Variants in CNOT4 observed in about 807,000 individuals in gnomAD.
CNOT4 encodes CCR4-associated factor 4.
In CNOT4, 8 loss-of-function variants were observed where a neutral mutation model predicts 73.8. The ratio of observed to expected loss-of-function variants is 0.11; its 90% CI spans 0.06 to 0.20. CNOT4 has a LOEUF of 0.20. Ranked by LOEUF, CNOT4 falls within the 10% of genes least tolerant of loss-of-function variation. CNOT4 has a pLI of 1.00. For missense variants in CNOT4, 564 were observed against 883.4 expected, an observed-to-expected ratio of 0.64 and a Z score of 4.58; for synonymous variants, 293 against 321.1, an observed-to-expected ratio of 0.91 and a Z score of 0.94.
At chr7:135,439,580 C>T (rs1362721329) in intron 1 of CNOT4, among the ~76,000 whole-genome samples, 1 of 152,132 alleles carries the variant, frequency 6.6e-6, no homozygotes, top group African/African-American at 2.4e-5. Context: ...GCCAGGAGTT[C>T]AAGACCAGCA....
chr7:135,364,186 T>A lies in CNOT4; in HGVS notation c.1628-120A>T. On this transcript the variant is annotated intron_variant, in intron 10 of 11. Coordinates refer to ENST00000541284, the MANE Select transcript of CNOT4 (RefSeq NM_001190850.2). This position sits in a 1 kb window ranked among gnomAD's most constrained non-coding sequence, Gnocchi z 4.3. ...AATTATTCTTTCTTTATTGAGCATT[T>A]AAAATGGGTTGTCCTAGCAAGATAA... 1 of 795,204 alleles carries A rather than the reference T, an allele frequency of 1.3e-6. No homozygotes were observed. The highest frequency in any genetic ancestry group is 2.0e-6 in the Non-Finnish European group (1 of 503,994). 49.3% of individuals were successfully genotyped at this position (795,204 alleles called of 1,614,324 possible). A position where few individuals can be genotyped will look rare whatever the true frequency, so the allele number is the denominator to read the frequency against.
chr7:135,442,470 A>C (rs1036647193), intron 1 of CNOT4, among the ~76,000 whole-genome samples: 1 of 152,074 alleles, frequency 6.6e-6, no homozygotes, highest in African/African-American at 2.4e-5. Context: ...GTGTTGGTGC[A>C]TGCCTGTAAT....
chr7:135,480,250 A>G (rs1449965760), intron 1 of CNOT4, among the ~76,000 whole-genome samples: 1 of 152,194 alleles, frequency 6.6e-6, no homozygotes, highest in Non-Finnish European at 1.5e-5. Context: ...CTGGTCCACT[A>G]AGTTTTCAGT....
At chr7:135,407,707 T>C (rs960197936) in intron 7 of CNOT4, among the ~76,000 whole-genome samples, 36 of 147,612 alleles carry the variant, frequency 2.4e-4, no homozygotes, top group Non-Finnish European at 5.0e-4. Flanking sequence ...TTGTTTTTTG[T>C]AGAGGCAGGG....
chr7:135,411,561 T>C (rs115837529), intron 6 of CNOT4, among the ~76,000 whole-genome samples: 1 of 152,000 alleles, frequency 6.6e-6, no homozygotes, highest in Non-Finnish European at 1.5e-5. Context: ...TGGGAAAAAT[T>C]AGGCAAAGAT....
At chr7:135,493,614 G>A (rs548643042) in intron 1 of CNOT4, among the ~76,000 whole-genome samples, 31 of 152,228 alleles carry the variant, frequency 2.0e-4, no homozygotes, top group Admixed American at 3.3e-4. Context: ...GGGGACATGA[G>A]TATCACCTAG....
chr7:135,395,956 A>C (rs1180807927), intron 8 of CNOT4, 73 bp from the exon 9 acceptor site: 10 of 1,004,886 alleles, frequency 1.0e-5, no homozygotes, highest in Non-Finnish European at 1.5e-5. Flanking sequence ...AAAAGTTTGC[A>C]ACTAAATGTA....
intron 1 of CNOT4, chr7:135,444,610 C>A (rs920637020): frequency 7.6e-7 from 1 of 1,317,278 alleles, no homozygotes; most frequent in Admixed American, 1.7e-5. Context: ...CACTTGTCAC[C>A]GAGCCACCAT....
At chr7:135,379,488 T>C (rs1358660370) in intron 10 of CNOT4, among the ~76,000 whole-genome samples, 2 of 152,112 alleles carry the variant, frequency 1.3e-5, no homozygotes, top group East Asian at 3.8e-4. Context: ...GTTAACAGTT[T>C]AGAAGGAAAA....
At chr7:135,475,521 C>T (rs78011715) in intron 1 of CNOT4, among the ~76,000 whole-genome samples, 3,413 of 152,190 alleles carry the variant, frequency 0.022, 127 homozygotes, top group African/African-American at 0.07. Flanking sequence ...CACAAAGCTA[C>T]AATTTACAAA....
At chr7:135,469,556 CT>C (rs1013840459) in intron 1 of CNOT4, among the ~76,000 whole-genome samples, 1 of 152,036 alleles carries the variant, frequency 6.6e-6, no homozygotes, top group Non-Finnish European at 1.5e-5. Context: ...ACTTCCATGG[CT>C]TTTTTTATAC....
intron 1 of CNOT4, among the ~76,000 whole-genome samples, chr7:135,465,974 G>C (rs1801196003): frequency 6.6e-6 from 1 of 151,294 alleles, no homozygotes; most frequent in African/African-American, 2.4e-5. Flanking sequence ...GCTTGAACCT[G>C]GGAGGCAGAG....
rs138758031 is a variant in CNOT4 at position 135,454,976 on chromosome 7, T to C, written c.-92-16553A>G. Among the ~76,000 whole-genome samples, 731 of 152,152 alleles carry C rather than the reference T, an allele frequency of 4.8e-3. 5 individuals are homozygous for C. The highest frequency in any genetic ancestry group is 0.017 in the African/African-American group (705 of 41,504). ...GTCAATTACAATTGTGGAAAACAAA[T>C]TGGTCAGCCACAGTGGCTCACACTA... On this transcript the variant is annotated intron_variant, in intron 1 of 11. Transcript: ENST00000541284.
At chr7:135,371,769 G>A (rs1351205099) in intron 10 of CNOT4, among the ~76,000 whole-genome samples, 1 of 152,084 alleles carries the variant, frequency 6.6e-6, no homozygotes, top group Non-Finnish European at 1.5e-5. Context: ...AGAGGAAAAA[G>A]TAAACAAATT....
intron 1 of CNOT4, among the ~76,000 whole-genome samples, chr7:135,445,245 A>G (rs1799750062): frequency 6.6e-6 from 1 of 152,218 alleles, no homozygotes; most frequent in African/African-American, 2.4e-5. Flanking sequence ...AATCTCTTAA[A>G]GAGAATCCAG....
At chr7:135,435,358 C>T (rs1157221969) in intron 2 of CNOT4, among the ~76,000 whole-genome samples, 1 of 152,134 alleles carries the variant, frequency 6.6e-6, no homozygotes, top group Non-Finnish European at 1.5e-5. Context: ...TGCTGCTTTT[C>T]CTTCATGCTT....
intron 1 of CNOT4, chr7:135,444,499 G>T (rs577953823): frequency 5.0e-5 from 44 of 880,906 alleles, no homozygotes; most frequent in African/African-American, 2.8e-4. Context: ...GCCCAAGGAG[G>T]TCGAGCTCTG....
At chr7:135,491,744 C>T (rs747068734) in intron 1 of CNOT4, among the ~76,000 whole-genome samples, 13 of 152,088 alleles carry the variant, frequency 8.5e-5, no homozygotes, top group Non-Finnish European at 1.5e-4. Flanking sequence ...TAACAGTATG[C>T]TTGTATATTG....
chr7:135,467,934 G>A (rs944119851), intron 1 of CNOT4, among the ~76,000 whole-genome samples: 71 of 152,124 alleles, frequency 4.7e-4, no homozygotes, highest in African/African-American at 1.3e-3. Flanking sequence ...ATTACAGATC[G>A]GCCAGGCGTG....
Sources: gnomAD v4.1 joint callset for allele counts (sites outside exome capture counted in the v4.1 genomes callset) on GRCh38, gnomAD v4.1.1 for gene constraint, Gnocchi (gnomAD v3.1) non-coding constraint, MANE v1.5 for transcripts, NCBI Gene and HGNC (gene_info 2026-07-23, HGNC 2026-07-21) for gene names.